The following GATB variants were observed in gnomAD, a reference collection of about 807,000 sequenced individuals.
The protein encoded by GATB is glutamyl-tRNA amidotransferase subunit B.
In GATB, 39 loss-of-function variants were observed where a neutral mutation model predicts 62.3. The observed-to-expected ratio is 0.63, with a 90% CI of 0.48 to 0.82. GATB has a LOEUF of 0.82. Ranked by LOEUF, GATB falls within the 40% of genes least tolerant of loss-of-function variation. The pLI, the probability that GATB is intolerant of heterozygous loss-of-function variation, is 0.00. For missense variants in GATB, 670 were observed against 684.0 expected, an observed-to-expected ratio of 0.98 and a Z score of 0.23; for synonymous variants, 276 against 258.9, an observed-to-expected ratio of 1.07 and a Z score of -0.63.
intron 2 of GATB, among the ~76,000 whole-genome samples, chr4:151,753,848 A>G (rs1739768763): frequency 6.6e-6 from 1 of 152,142 alleles, no homozygotes; most frequent in Non-Finnish European, 1.5e-5. Flanking sequence ...GTCTCCTTTC[A>G]CTTGCTGCAT....
At chr4:151,698,329 ATAAAT>A (rs1182262791) in intron 9 of GATB, among the ~76,000 whole-genome samples, 9 of 152,270 alleles carry the variant, frequency 5.9e-5, no homozygotes, top group Admixed American at 4.6e-4. Flanking sequence ...AAATGACAAG[ATAAAT>A]TAAAGACTAG....
chr4:151,686,504 TG>T (rs1452889457), intron 10 of GATB, among the ~76,000 whole-genome samples: 1 of 151,900 alleles, frequency 6.6e-6, no homozygotes, highest in Non-Finnish European at 1.5e-5. Context: ...GGGCTCCCCC[TG>T]CCCCGGGACC....
intron 2 of GATB, among the ~76,000 whole-genome samples, chr4:151,758,313 C>T (rs1560869174): frequency 6.6e-6 from 1 of 152,140 alleles, no homozygotes; most frequent in Non-Finnish European, 1.5e-5. Context: ...CTTCCTTAAC[C>T]TAAAGTACCC....
intron 1 of GATB, 67 bp from the exon 2 acceptor site, chr4:151,758,989 T>TA (rs1333267501): frequency 1.8e-6 from 2 of 1,140,694 alleles, no homozygotes; most frequent in African/African-American, 3.1e-5. Flanking sequence ...TCTATAAGTC[T>TA]AAACCACAAA....
chr4:151,671,828 G>A (rs1183817236), intron 12 of GATB, among the ~76,000 whole-genome samples: 1 of 152,174 alleles, frequency 6.6e-6, no homozygotes, highest in South Asian at 2.1e-4. Flanking sequence ...GTGGGCAGGG[G>A]GAGTGAGGAA....
At chr4:151,757,931 A>G (rs746645239) in intron 2 of GATB, among the ~76,000 whole-genome samples, 6 of 152,194 alleles carry the variant, frequency 3.9e-5, no homozygotes, top group Non-Finnish European at 8.8e-5. Flanking sequence ...GGTCCTGGAC[A>G]GACCATATGC....
chr4:151,678,434 T>G (rs1438124083), intron 11 of GATB, among the ~76,000 whole-genome samples: 2 of 103,722 alleles, frequency 1.9e-5, no homozygotes, highest in Admixed American at 8.3e-5. Context: ...ATTCAATGTG[T>G]TCTTCTCTCT....
intron 12 of GATB, among the ~76,000 whole-genome samples, chr4:151,671,638 G>C (rs1368760680): frequency 6.6e-6 from 1 of 152,134 alleles, no homozygotes; most frequent in Non-Finnish European, 1.5e-5. Flanking sequence ...TAATCTCTCT[G>C]AGATGATGAA....
chr4:151,742,813 A>G (rs1739519176), intron 2 of GATB, among the ~76,000 whole-genome samples: 1 of 152,298 alleles, frequency 6.6e-6, no homozygotes, highest in African/African-American at 2.4e-5. Context: ...TACAAAATAC[A>G]CCAGAGAATC....
intron 11 of GATB, chr4:151,676,166 CTG>C (rs1737997278): frequency 6.6e-6 from 1 of 152,194 alleles, no homozygotes; most frequent in Admixed American, 6.5e-5. Flanking sequence ...GCCCAGTAAA[CTG>C]TGCAGATAAC....
chr4:151,680,159 C>T (rs573695999), intron 10 of GATB, among the ~76,000 whole-genome samples: 1 of 152,066 alleles, frequency 6.6e-6, no homozygotes, highest in South Asian at 2.1e-4. Context: ...CAGACAACTG[C>T]TCAGTGTAAT....
At chr4:151,728,196 A>G (rs553509535) in intron 2 of GATB, among the ~76,000 whole-genome samples, 5 of 152,298 alleles carry the variant, frequency 3.3e-5, no homozygotes, top group Middle Eastern at 3.4e-3. Context: ...AAAAGCTCCC[A>G]TGTGCACTAA....
chr4:151,696,663 T>A (rs925166647), intron 9 of GATB, among the ~76,000 whole-genome samples: 5 of 152,266 alleles, frequency 3.3e-5, no homozygotes, highest in Non-Finnish European at 5.9e-5. Flanking sequence ...AAGGATAGAT[T>A]AAAAAGTCGT....
At chr4:151,716,296 TTA>T in intron 4 of GATB, 165 bp from the exon 5 acceptor site, 24 of 688,636 alleles carry the variant, frequency 3.5e-5, no homozygotes, top group East Asian at 9.9e-5. Flanking sequence ...TTTTTTTTTT[TTA>T]AAGAGGCGTC....
chr4:151,703,561 C>T (rs1738648989), intron 8 of GATB: 2 of 473,142 alleles, frequency 4.2e-6, no homozygotes, highest in Non-Finnish European at 3.8e-6. Flanking sequence ...CCTCTACAGC[C>T]ATCCTCCTAG....
At chr4:151,747,714 G>A (rs1739630218) in intron 2 of GATB, among the ~76,000 whole-genome samples, 1 of 152,232 alleles carries the variant, frequency 6.6e-6, no homozygotes, top group Non-Finnish European at 1.5e-5. Flanking sequence ...AGCAATTACA[G>A]ATGCCTAAGG....
intron 9 of GATB, among the ~76,000 whole-genome samples, chr4:151,690,008 T>C (rs558006545): frequency 1.3e-4 from 20 of 152,226 alleles, no homozygotes; most frequent in Admixed American, 4.6e-4. Flanking sequence ...CCTTTACCCA[T>C]GGAAATTCAA....
intron 9 of GATB, among the ~76,000 whole-genome samples, chr4:151,693,290 G>A (rs919961449): frequency 1.3e-5 from 2 of 152,236 alleles, no homozygotes; most frequent in Admixed American, 1.3e-4. Context: ...GTCAGGGCAA[G>A]GCTAAGGACT....
chr4:151,745,774 C>T (rs1739582744), intron 2 of GATB, among the ~76,000 whole-genome samples: 1 of 152,224 alleles, frequency 6.6e-6, no homozygotes, highest in Non-Finnish European at 1.5e-5. Context: ...TAGTAAACAA[C>T]ATTCCTGTTT....
Sources: gnomAD v4.1 joint callset for allele counts (sites outside exome capture counted in the v4.1 genomes callset) on GRCh38, gnomAD v4.1.1 for gene constraint, MANE v1.5 for transcripts, NCBI Gene and HGNC (gene_info 2026-07-23, HGNC 2026-07-21) for gene names.